Variants in PRR16 observed in about 807,000 individuals in gnomAD.
PRR16 encodes the protein protein Largen.
A neutral mutation model predicts 18.2 loss-of-function variants in PRR16; 6 were observed. That is an observed-to-expected ratio of 0.33 (90% confidence interval 0.18 to 0.65). The LOEUF is 0.65. Among genes scored for constraint, PRR16 ranks in the 30% least tolerant of loss-of-function variants. PRR16 has a pLI of 0.74. For missense variants in PRR16, 412 were observed against 376.6 expected, an observed-to-expected ratio of 1.09 and a Z score of -0.78; for synonymous variants, 151 against 147.8, an observed-to-expected ratio of 1.02 and a Z score of -0.16.
At chr5:120,706,150 T>C in the PRR16 span, among the ~76,000 whole-genome samples, 1 of 152,128 alleles carries the variant, frequency 6.6e-6, no homozygotes. Context: ...ACAATTTTAT[T>C]CTTTTGTGCT....
the PRR16 span, among the ~76,000 whole-genome samples, chr5:120,705,341 A>G: frequency 1.4e-3 from 212 of 152,204 alleles, 1 homozygote; most frequent in African/African-American, 4.8e-3. Context: ...ATTCTTCATG[A>G]TCTCCCTCAA....
chr5:120,637,305 A>G (rs1256642859), intron 1 of PRR16, among the ~76,000 whole-genome samples: 1 of 126,256 alleles, frequency 7.9e-6, no homozygotes, highest in Non-Finnish European at 1.6e-5. Context: ...GAGGAAAGTA[A>G]GCCATTATAC....
At chr5:120,753,067 T>C in the PRR16 span, among the ~76,000 whole-genome samples, 1 of 151,998 alleles carries the variant, frequency 6.6e-6, no homozygotes. Context: ...AGAGGAATGA[T>C]ATGACTTTGG....
At chr5:120,604,038 G>A (rs751457449) in intron 1 of PRR16, among the ~76,000 whole-genome samples, 5 of 151,748 alleles carry the variant, frequency 3.3e-5, no homozygotes, top group African/African-American at 1.2e-4. Context: ...GTTGTTGTTG[G>A]GTGTAGTATT....
the PRR16 span, among the ~76,000 whole-genome samples, chr5:120,758,406 T>C: frequency 2.6e-5 from 4 of 152,118 alleles, no homozygotes; most frequent in Non-Finnish European, 5.9e-5. Context: ...CTTCAAGAAA[T>C]TGGAAAGTTA....
chr5:120,765,692 T>C, the PRR16 span, among the ~76,000 whole-genome samples: 48 of 152,062 alleles, frequency 3.2e-4, no homozygotes, highest in Admixed American at 3.1e-3. Context: ...TTTCTCAAAC[T>C]AAACATAGTA....
the PRR16 span, among the ~76,000 whole-genome samples, chr5:120,775,631 C>CT: frequency 1.3e-5 from 2 of 148,756 alleles, no homozygotes; most frequent in African/African-American, 2.5e-5. Flanking sequence ...TTTTCTTTCT[C>CT]CTTTTTTTTT....
intron 1 of PRR16, among the ~76,000 whole-genome samples, chr5:120,637,317 G>GAAAAAAAAAAAAAAAAAAA (rs372136712): frequency 1.6e-5 from 1 of 62,636 alleles, no homozygotes; most frequent in African/African-American, 6.8e-5. Context: ...CCATTATACG[G>GAAAAAAAAAAAAAAAAAAA]AAAAAAAAAA....
chr5:120,595,272 G>A (rs1185992586), intron 1 of PRR16, among the ~76,000 whole-genome samples: 2 of 151,810 alleles, frequency 1.3e-5, no homozygotes, highest in Non-Finnish European at 2.9e-5. Flanking sequence ...TAAAAAGTGG[G>A]CAAATAGCAT....
the PRR16 span, among the ~76,000 whole-genome samples, chr5:120,751,000 A>AT: frequency 1.3e-5 from 2 of 152,124 alleles, no homozygotes; most frequent in African/African-American, 2.4e-5. Context: ...CCATGAGATC[A>AT]TTTTTTTAGC....
intron 1 of PRR16, among the ~76,000 whole-genome samples, chr5:120,677,751 C>T (rs1756845193): frequency 1.3e-5 from 2 of 151,822 alleles, no homozygotes; most frequent in African/African-American, 2.4e-5. Context: ...TTGTTTTGTT[C>T]TTAAGGCAAT....
chr5:120,724,055 G>C, the PRR16 span, among the ~76,000 whole-genome samples: 1 of 150,872 alleles, frequency 6.6e-6, no homozygotes, highest in African/African-American at 2.4e-5. Context: ...CTTTGAATAT[G>C]TTTTTCAGGG....
chr5:120,558,721 A>C (rs1401115585), intron 1 of PRR16, among the ~76,000 whole-genome samples: 1 of 151,990 alleles, frequency 6.6e-6, no homozygotes, highest in Non-Finnish European at 1.5e-5. Context: ...AGGAACCTCC[A>C]AACTGTTCTC....
At chr5:120,619,613 A>T (rs1754622561) in intron 1 of PRR16, among the ~76,000 whole-genome samples, 1 of 152,108 alleles carries the variant, frequency 6.6e-6, no homozygotes. Flanking sequence ...CCAAATAAAG[A>T]GGAAGTAAGA....
intron 1 of PRR16, among the ~76,000 whole-genome samples, chr5:120,567,344 C>T (rs766052969): frequency 7.9e-5 from 12 of 152,052 alleles, no homozygotes; most frequent in Non-Finnish European, 1.6e-4. Flanking sequence ...AGAGACTGGA[C>T]GTTGGCTTGG....
intron 1 of PRR16, among the ~76,000 whole-genome samples, chr5:120,482,073 C>T (rs1489716926): frequency 6.6e-6 from 1 of 152,016 alleles, no homozygotes; most frequent in African/African-American, 2.4e-5. Flanking sequence ...AAAAATTTGT[C>T]ACCTTTTTAA....
intron 1 of PRR16, among the ~76,000 whole-genome samples, chr5:120,620,097 C>T (rs1441048686): frequency 2.6e-5 from 4 of 152,074 alleles, no homozygotes; most frequent in Non-Finnish European, 5.9e-5. Flanking sequence ...AAGAAAGATT[C>T]ACAATAAATT....
chr5:120,722,199 A>G, the PRR16 span, among the ~76,000 whole-genome samples: 1 of 151,928 alleles, frequency 6.6e-6, no homozygotes, highest in Non-Finnish European at 1.5e-5. Context: ...AAGGATATGA[A>G]CTCATCCTCT....
In PRR16 at chr5:120,601,764, T is replaced by G. The variant is rs187403410; in HGVS notation, c.160-84190T>G. On this transcript the variant is annotated intron_variant, in intron 1 of 1. Coordinates refer to ENST00000407149, the MANE Select transcript of PRR16 (RefSeq NM_001300783.2). ...TTAATGGTGTAAGGAAGGGGTCCAG[T>G]TTCAGTCTTCCACATATGACTAGCC... 1.3e-4 allele frequency among the ~76,000 whole-genome samples: 20 copies of G among 152,142 alleles called. No homozygotes were observed. In the East Asian group the frequency reaches 3.9e-3, roughly 29 times the overall value.
Sources: allele counts gnomAD v4.1 joint callset (sites outside exome capture counted in the v4.1 genomes callset), GRCh38; gene constraint gnomAD v4.1.1; transcripts MANE v1.5; gene names NCBI Gene and HGNC (gene_info 2026-07-23, HGNC 2026-07-21).